The following PM20D1 variants were observed in gnomAD, a reference collection of about 807,000 sequenced individuals.
The protein encoded by PM20D1 is peptidase M20 domain containing 1, also known as N-fatty-acyl-amino acid synthase/hydrolase PM20D1.
PM20D1 carries 53 observed loss-of-function variants against 53.8 expected under a neutral mutation model. The ratio of observed to expected loss-of-function variants is 0.98; its 90% CI spans 0.79 to 1.24. The LOEUF (loss-of-function observed/expected upper bound fraction) is 1.24. PM20D1 is among the 50% of genes most tolerant of loss of function. The probability of loss-of-function intolerance (pLI) is 0.00; values close to 1 mark genes in which losing one functional copy is unlikely to be tolerated. For synonymous variants in PM20D1, 239 were observed against 241.3 expected (o/e 0.99, Z 0.09); for missense variants, 564 against 616.8 (o/e 0.91, Z 0.91).
At chr1:205,842,998 T>A (rs780490303) in intron 6 of PM20D1, among the ~76,000 whole-genome samples, 9 of 152,198 alleles carry the variant, frequency 5.9e-5, no homozygotes, top group Non-Finnish European at 1.2e-4. Flanking sequence ...TAGAATCCTG[T>A]GTGTCCACTC....
chr1:205,828,683 G>T lies in PM20D1; in HGVS notation c.1446C>A (p.Ile482=). 6.2e-7 allele frequency: 1 copy of T among 1,614,174 alleles called. No homozygotes were observed. The part of the protein sequence containing the change: ...VQAYETQVKF[I]FELIQNADTD... The stretch of plus-strand genomic sequence containing the variant: ...TGTCAGCATTCTGAATCAACTCAAA[G>T]ATGAATTTCACTTGGGTCTCATAGG... The change falls in exon 13 of 13, where the codon ATC becomes ATA. Residue 482 remains isoleucine, a synonymous_variant. Transcript: ENST00000367136.
chr1:205,829,452 G>T lies in PM20D1; in HGVS notation c.1386-709C>A, dbSNP rs111972083. Among the ~76,000 whole-genome samples the T allele has an allele frequency of 5.0e-3, 755 of 152,230 alleles. 6 individuals are homozygous for T. The highest frequency in any genetic ancestry group is 0.017 in the African/African-American group (718 of 41,534). ...AGGGTAGGGAAGGCAACTGCCCAGG[G>T]TGCCTACCCAGTTTTCTGTGGCACC... On this transcript the variant is annotated intron_variant, in intron 12 of 12. Coordinates refer to ENST00000367136, the MANE Select transcript of PM20D1 (RefSeq NM_152491.5).
At position 205,843,703 on chromosome 1, in the gene PM20D1, T is replaced by A; in HGVS notation, c.791A>T (p.Glu264Val). 1.2e-6 allele frequency: 2 copies of A among 1,614,166 alleles called. No homozygotes were observed. Among genetic ancestry groups the A allele is most frequent in the Non-Finnish European group, 1.7e-6 (2 of 1,180,034 alleles). Residue 264 changes from glutamate to valine, a missense_variant, in exon 6 of 13, where the codon GAG becomes GTG. Glu to Val is a moderately radical substitution (Grantham distance 121, BLOSUM62 -2). Coordinates refer to ENST00000367136, the MANE Select transcript of PM20D1 (RefSeq NM_152491.5). ...TSGHSSAPPK[E>V]TSIGILAAAV... is the part of the protein sequence containing the mutation. Reference sequence around the variant, plus strand: ...AGCTGCAAGGATGCCAATGCTTGTCTCCTTTGGAGGAGCTGAAGAGTGGCC... The same window carrying A: ...AGCTGCAAGGATGCCAATGCTTGTCACCTTTGGAGGAGCTGAAGAGTGGCC...
intron 5 of PM20D1, 58 bp from the exon 6 acceptor site, chr1:205,843,844 T>C (rs1656876355): frequency 2.5e-6 from 4 of 1,586,326 alleles, no homozygotes; most frequent in African/African-American, 2.7e-5. Context: ...AATTCTCCCA[T>C]AGGCCCATAG....
At position 205,841,849 on chromosome 1, in the gene PM20D1, T is replaced by C. The variant is rs746292876; in HGVS notation, c.1006A>G (p.Thr336Ala). The change falls in exon 9 of 13, where the codon ACC becomes GCC. Residue 336 changes from threonine (T) to alanine (A), a missense_variant. Physicochemically the swap from Thr to Ala is moderately conservative, Grantham distance 58. Coordinates refer to ENST00000367136, the MANE Select transcript of PM20D1 (RefSeq NM_152491.5). ...RNPLTNAIIR[T>A]TTALTIFKAG... ...TTGAATATGGTGAGTGCCGTGGTGG[T>C]CCTGATTATTGCATTGGTTAAGGGA... 5.7e-6 allele frequency: 9 copies of C among 1,569,028 alleles called. 1 individual carries two copies. In the South Asian group the frequency reaches 5.8e-5, roughly 10 times the overall value.
chr1:205,836,241 A>C (rs1331224640), intron 10 of PM20D1, among the ~76,000 whole-genome samples: 1 of 152,136 alleles, frequency 6.6e-6, no homozygotes, highest in Non-Finnish European at 1.5e-5. Flanking sequence ...ATGTGTAGAG[A>C]TATTTTCCTC....
At chr1:205,829,740 T>A (rs1053831118) in intron 12 of PM20D1, 3 of 153,250 alleles carry the variant, frequency 2.0e-5, no homozygotes, top group African/African-American at 7.2e-5. Context: ...GAGAGGTAAA[T>A]GGAAATCATC....
chr1:205,834,519 T>C (rs1656638552), intron 10 of PM20D1, among the ~76,000 whole-genome samples: 1 of 152,170 alleles, frequency 6.6e-6, no homozygotes, highest in South Asian at 2.1e-4. Context: ...GAAGTGAAGG[T>C]TCCCACTTCT....
intron 10 of PM20D1, among the ~76,000 whole-genome samples, chr1:205,836,503 A>G (rs1656690861): frequency 6.6e-6 from 1 of 152,096 alleles, no homozygotes; most frequent in African/African-American, 2.4e-5. Flanking sequence ...GTGTCCCGTA[A>G]TATCTAATCC....
rs766736325 is a variant in PM20D1 at position 205,832,693 on chromosome 1, A to AG, written c.1189dup (p.Leu397ProfsTer7). ...CTTGTCATCAGAAGGGCTGACGGGG[A>AG]GGGGGTCAAAGGCACTCAACACATG... On this transcript the variant is annotated frameshift_variant, in exon 11 of 13. Transcript: ENST00000367136. LOFTEE classifies it high-confidence loss of function. 155 of 1,613,886 alleles carry AG rather than the reference A, an allele frequency of 9.6e-5. No homozygotes were observed. Among genetic ancestry groups the AG allele is most frequent in the Non-Finnish European group, 1.3e-4 (150 of 1,179,984 alleles).
chr1:205,845,377 C>G lies in PM20D1; in HGVS notation c.437G>C (p.Arg146Pro). 1 of 1,614,162 alleles carries G rather than the reference C, an allele frequency of 6.2e-7. No individual in the cohort carries two copies. The highest frequency in any genetic ancestry group is 1.1e-5 in the South Asian group (1 of 91,072). The change falls in exon 3 of 13, where the codon CGT (arginine) becomes CCT (proline). Residue 146 changes from arginine (R) to proline (P), a missense_variant. Coordinates refer to ENST00000367136, the MANE Select transcript of PM20D1 (RefSeq NM_152491.5). ...WEVPPFSGLE[R>P]DGIIYGRGTL... Reference sequence around the variant, plus strand: ...GCCCCGACCATAGATGATGCCATCACGCTCCAACCCAGAGAATGGGGGCAC... The same window carrying G: ...GCCCCGACCATAGATGATGCCATCAGGCTCCAACCCAGAGAATGGGGGCAC...
intron 5 of PM20D1, 64 bp from the exon 6 acceptor site, chr1:205,843,850 C>G: frequency 6.3e-7 from 1 of 1,580,562 alleles, no homozygotes; most frequent in Non-Finnish European, 8.6e-7. Context: ...CCCATAGGCC[C>G]ATAGGTCCAT....
Position 205,845,342 on chromosome 1 carries a change from C to T in PM20D1, c.472G>A (p.Asp158Asn), listed in dbSNP as rs139168724. The T allele has an allele frequency of 4.8e-5, 77 of 1,613,640 alleles. No individual in the cohort carries two copies. The Admixed American group carries it at 1.1e-3, about 22-fold the overall frequency. The change falls in exon 3 of 13, where the codon GAC becomes AAC. Residue 158 changes from aspartate to asparagine, a missense_variant. Asp to Asn is a conservative substitution (Grantham distance 23). Transcript: ENST00000367136. ...TCTCAGACCATCACAGAGTTCTTGT[C>T]GTCCAGTGTGCCCCGACCATAGATG... ...GIIYGRGTLD[D>N]KNSVMALLQA...
intron 1 of PM20D1, among the ~76,000 whole-genome samples, chr1:205,848,592 C>A (rs983684274): frequency 1.6e-4 from 24 of 152,278 alleles, no homozygotes; most frequent in Non-Finnish European, 2.1e-4. Flanking sequence ...GTTCCTGAAC[C>A]TTCACTGGGC....
chr1:205,845,423 C>A lies in PM20D1; in HGVS notation c.391G>T (p.Ala131Ser). 1 of 1,614,220 alleles carries A rather than the reference C, an allele frequency of 6.2e-7. No individual in the cohort carries two copies. Among genetic ancestry groups the A allele is most frequent in the South Asian group, 1.1e-5 (1 of 91,070 alleles). Residue 131 changes from alanine (A) to serine (S), a missense_variant, in exon 3 of 13, where the codon GCC becomes TCC. Transcript: ENST00000367136. The stretch of plus-strand genomic sequence containing the variant: ...GGCACCTCCCAGCCTTCTTCAGGGG[C>A]AGGCACCACATCAAAGTGAGCCATC... ...LLMAHFDVVP[A>S]PEEGWEVPPF...
intron 6 of PM20D1, among the ~76,000 whole-genome samples, chr1:205,843,291 C>G (rs1284300134): frequency 1.3e-5 from 2 of 152,180 alleles, no homozygotes; most frequent in African/African-American, 4.8e-5. Context: ...CCTGTAGGTC[C>G]TTGCTTTCCA....
chr1:205,830,242 C>T, intron 12 of PM20D1, 38 bp downstream of exon 12: 1 of 1,450,966 alleles, frequency 6.9e-7, no homozygotes, highest in Non-Finnish European at 9.7e-7. Context: ...AAGTGTATTT[C>T]TTTTCTCCCA....
At chr1:205,845,587 C>G (rs749272018) in intron 2 of PM20D1, 30 bp from the exon 3 acceptor site, 3 of 1,570,914 alleles carry the variant, frequency 1.9e-6, no homozygotes, top group East Asian at 4.5e-5. Context: ...GAAGAGAGAA[C>G]CAGGGTTAAC....
chr1:205,832,339 C>T (rs1468847248), intron 11 of PM20D1, among the ~76,000 whole-genome samples: 13 of 152,192 alleles, frequency 8.5e-5, no homozygotes, highest in Admixed American at 8.5e-4. Context: ...TAAGCCAATT[C>T]TCCCCTCTAT....
Sources: allele counts gnomAD v4.1 joint callset (sites outside exome capture counted in the v4.1 genomes callset), GRCh38; gene constraint gnomAD v4.1.1; transcripts MANE v1.5; gene names NCBI Gene and HGNC (gene_info 2026-07-23, HGNC 2026-07-21).